The following PLA2G12A variants were observed in gnomAD, a reference collection of about 807,000 sequenced individuals.
PLA2G12A encodes group XIIA secretory phospholipase A2.
Under a neutral mutation model 16.0 loss-of-function variants are expected in PLA2G12A, and 11 were observed. The observed-to-expected ratio is 0.69, with a 90% CI of 0.43 to 1.13. PLA2G12A has a LOEUF of 1.13. Ranked by LOEUF, PLA2G12A falls within the 50% of genes most tolerant of loss-of-function variation. The pLI, the probability that PLA2G12A is intolerant of heterozygous loss-of-function variation, is 0.00. For synonymous variants in PLA2G12A, 77 were observed against 93.8 expected (o/e 0.82, Z 1.03); for missense variants, 214 against 237.3 (o/e 0.90, Z 0.65).
chr4:109,721,520 C>G (rs1730943981), intron 1 of PLA2G12A, among the ~76,000 whole-genome samples: 1 of 152,076 alleles, frequency 6.6e-6, no homozygotes, highest in Non-Finnish European at 1.5e-5. Flanking sequence ...CGGGGCTTCA[C>G]CAGGTTGGCC....
chr4:109,718,844 G>T, intron 1 of PLA2G12A, 85 bp from the exon 2 acceptor site: 2 of 838,000 alleles, frequency 2.4e-6, no homozygotes, highest in Non-Finnish European at 1.8e-6. Flanking sequence ...TGCTACATTA[G>T]CCTTAGAAAT....
intron 1 of PLA2G12A, among the ~76,000 whole-genome samples, chr4:109,723,755 T>A (rs1255924711): frequency 6.6e-6 from 1 of 152,140 alleles, no homozygotes; most frequent in Non-Finnish European, 1.5e-5. Context: ...GTCAAGTTGT[T>A]AATCTGAAAA....
At chr4:109,725,485 A>G (rs1722916498) in intron 1 of PLA2G12A, among the ~76,000 whole-genome samples, 1 of 152,248 alleles carries the variant, frequency 6.6e-6, no homozygotes, top group African/African-American at 2.4e-5. Context: ...CAAAAACTCA[A>G]TAATGGAAGA....
At chr4:109,721,269 TG>T (rs1460346784) in intron 1 of PLA2G12A, among the ~76,000 whole-genome samples, 1 of 151,970 alleles carries the variant, frequency 6.6e-6, no homozygotes, top group African/African-American at 2.4e-5. Context: ...CTATCACAGA[TG>T]AGTCACCATG....
intron 1 of PLA2G12A, among the ~76,000 whole-genome samples, chr4:109,720,111 G>A (rs776951197): frequency 6.6e-6 from 1 of 152,108 alleles, no homozygotes; most frequent in Non-Finnish European, 1.5e-5. Context: ...TTTCTTTTAA[G>A]TTCTACCTAT....
At chr4:109,719,239 T>C (rs1338287733) in intron 1 of PLA2G12A, among the ~76,000 whole-genome samples, 1 of 152,202 alleles carries the variant, frequency 6.6e-6, no homozygotes, top group Non-Finnish European at 1.5e-5. Flanking sequence ...ACCAGTTTAC[T>C]TGGGCAAAGC....
Position 109,712,347 on chromosome 4 carries a change from T to C in PLA2G12A, c.*2030A>G, listed in dbSNP as rs1730748627. The C allele has an allele frequency of 2.6e-5, 4 of 152,154 alleles. No homozygotes were observed. The highest frequency in any genetic ancestry group is 5.9e-5 in the Non-Finnish European group (4 of 68,032). 9.4% of individuals were successfully genotyped at this position (152,154 alleles called of 1,614,324 possible). A position where few individuals can be genotyped will look rare whatever the true frequency, so the allele number is the denominator to read the frequency against. On this transcript the variant is annotated 3_prime_UTR_variant, in exon 4 of 4. Transcript: ENST00000243501. The stretch of plus-strand genomic sequence containing the variant: ...TTTTTTTAATCTGAACATAAAAAAC[T>C]GTTTCTACTGATTTTTGTATAATTT...
rs963309967 is a variant in PLA2G12A at position 109,718,723 on chromosome 4, G to A, written c.245C>T (p.Ser82Phe). Residue 82 changes from serine to phenylalanine, a missense_variant, in exon 2 of 4, where the codon TCC (serine) becomes TTC (phenylalanine). Ser to Phe is a radical substitution (Grantham distance 155). Coordinates refer to ENST00000243501, the MANE Select transcript of PLA2G12A (RefSeq NM_030821.5). Reference protein sequence around the residue: ...KPFPRYGYKPSPPNGCGSPLF... With the variant: ...KPFPRYGYKPFPPNGCGSPLF... ...TGGAGAGCCACATCCATTCGGTGGGGAGGGTTTATAACCATAACGTGGGAA... is the reference window on the plus strand; with the variant it reads ...TGGAGAGCCACATCCATTCGGTGGGAAGGGTTTATAACCATAACGTGGGAA... 10 of 1,601,788 alleles carry A rather than the reference G, an allele frequency of 6.2e-6. No individual in the cohort carries two copies. The highest frequency in any genetic ancestry group is 1.3e-5 in the African/African-American group (1 of 74,460).
intron 1 of PLA2G12A, among the ~76,000 whole-genome samples, chr4:109,724,656 T>C (rs1016244886): frequency 1.3e-5 from 2 of 152,112 alleles, no homozygotes; most frequent in African/African-American, 2.4e-5. Flanking sequence ...GGGAGAATGA[T>C]CAGACACAAA....
intron 1 of PLA2G12A, among the ~76,000 whole-genome samples, chr4:109,727,884 A>T (rs1240055667): frequency 6.6e-6 from 1 of 152,226 alleles, no homozygotes; most frequent in Admixed American, 6.5e-5. Flanking sequence ...GCATGTTTTA[A>T]ATGTAAATAA....
Position 109,729,540 on chromosome 4 carries a change from G to C in PLA2G12A, c.208+62C>G, listed in dbSNP as rs939658160. 3 of 1,532,952 alleles carry C rather than the reference G, an allele frequency of 2.0e-6. No homozygotes were observed. In the African/African-American group the frequency reaches 4.1e-5, roughly 21 times the overall value. 95.0% of individuals were successfully genotyped at this position (1,532,952 alleles called of 1,614,324 possible). Reference sequence around the variant, plus strand: ...TTGCATCTGTCACTCACACCTCCAGGATCTCCGTCACCCCAATCCCCCGAA... The same window carrying C: ...TTGCATCTGTCACTCACACCTCCAGCATCTCCGTCACCCCAATCCCCCGAA... On this transcript the variant is annotated intron_variant, in intron 1 of 3. Transcript: ENST00000243501.
chr4:109,711,515 C>T lies in PLA2G12A; in HGVS notation c.*2862G>A, dbSNP rs951508201. 1 of 152,166 alleles carries T rather than the reference C, an allele frequency of 6.6e-6. No individual in the cohort carries two copies. The highest frequency in any genetic ancestry group is 2.4e-5 in the African/African-American group (1 of 41,434). The allele number at this position is 152,166 out of a possible 1,614,324, so 9.4% of individuals were successfully genotyped here. ...GGACATAGTAGCCAACCTGGCAGAACTCCTAATAGCCAAGCTGGACAACTT... is the reference window on the plus strand; with the variant it reads ...GGACATAGTAGCCAACCTGGCAGAATTCCTAATAGCCAAGCTGGACAACTT... On this transcript the variant is annotated 3_prime_UTR_variant, in exon 4 of 4. Coordinates refer to ENST00000243501, the MANE Select transcript of PLA2G12A (RefSeq NM_030821.5).
chr4:109,728,766 C>T (rs938493341), intron 1 of PLA2G12A, among the ~76,000 whole-genome samples: 1 of 152,228 alleles, frequency 6.6e-6, no homozygotes, highest in African/African-American at 2.4e-5. Context: ...TAATGAGACT[C>T]TAACCTTGGC....
intron 1 of PLA2G12A, among the ~76,000 whole-genome samples, chr4:109,720,355 A>C (rs1404637307): frequency 6.6e-6 from 1 of 151,928 alleles, no homozygotes; most frequent in Non-Finnish European, 1.5e-5. Context: ...AGATTTTATA[A>C]AGACAAGGTT....
chr4:109,727,793 T>C (rs985684657), intron 1 of PLA2G12A, among the ~76,000 whole-genome samples: 1 of 152,092 alleles, frequency 6.6e-6, no homozygotes, highest in Non-Finnish European at 1.5e-5. Context: ...GAGGGAGACC[T>C]TGCCTCAAAA....
chr4:109,712,723 T>G lies in PLA2G12A; in HGVS notation c.*1654A>C, dbSNP rs1388567777. On this transcript the variant is annotated 3_prime_UTR_variant, in exon 4 of 4. Transcript: ENST00000243501. ...TGTTGGCCAGCTGGTCTCAAACTCCTGACCTCAAGTGATCCAACCGCCTCA... is the reference window on the plus strand; with the variant it reads ...TGTTGGCCAGCTGGTCTCAAACTCCGGACCTCAAGTGATCCAACCGCCTCA... 6.6e-6 allele frequency: 1 copy of G among 152,242 alleles called. No individual in the cohort carries two copies. Among genetic ancestry groups the G allele is most frequent in the Non-Finnish European group, 1.5e-5 (1 of 68,072 alleles). The allele number at this position is 152,242 out of a possible 1,614,324, so 9.4% of individuals were successfully genotyped here. A position where few individuals can be genotyped will look rare whatever the true frequency, so the allele number is the denominator to read the frequency against.
Position 109,711,829 on chromosome 4 carries a change from A to G in PLA2G12A, c.*2548T>C, listed in dbSNP as rs1240634621. On this transcript the variant is annotated 3_prime_UTR_variant, in exon 4 of 4. Coordinates refer to ENST00000243501, the MANE Select transcript of PLA2G12A (RefSeq NM_030821.5). ...CACACACTACCTTAACCAAGTGTCC[A>G]AAGTTAATACACCATCAAGCTGATA... The G allele has an allele frequency of 6.6e-6, 1 of 152,234 alleles. No individual in the cohort carries two copies. The highest frequency in any genetic ancestry group is 1.5e-5 in the Non-Finnish European group (1 of 68,038). The allele number at this position is 152,234 out of a possible 1,614,324, so 9.4% of individuals were successfully genotyped here.
intron 1 of PLA2G12A, among the ~76,000 whole-genome samples, chr4:109,726,645 C>T (rs1173838238): frequency 6.6e-6 from 1 of 152,122 alleles, no homozygotes; most frequent in African/African-American, 2.4e-5. Flanking sequence ...ATGACTTATT[C>T]ATCATTCTAA....
intron 1 of PLA2G12A, among the ~76,000 whole-genome samples, chr4:109,725,000 CAG>C (rs1722902399): frequency 6.6e-6 from 1 of 152,102 alleles, no homozygotes; most frequent in Non-Finnish European, 1.5e-5. Context: ...GTCATTTCTT[CAG>C]AGAGGCTTTC....
Sources: allele counts gnomAD v4.1 joint callset (sites outside exome capture counted in the v4.1 genomes callset), GRCh38; gene constraint gnomAD v4.1.1; transcripts MANE v1.5; gene names NCBI Gene and HGNC (gene_info 2026-07-23, HGNC 2026-07-21).